TMEFF2: variants seen among roughly 807,000 people sequenced by gnomAD.
TMEFF2 encodes tomoregulin-2.
In TMEFF2, 28 loss-of-function variants were observed where a neutral mutation model predicts 53.8. The observed-to-expected ratio is 0.52, with a 90% CI of 0.39 to 0.71. The LOEUF (loss-of-function observed/expected upper bound fraction) is 0.71, where lower values mean the gene tolerates loss of function less well. Ranked by LOEUF, TMEFF2 falls within the 30% of genes least tolerant of loss-of-function variation. The pLI is 0.00. For synonymous variants in TMEFF2, 162 were observed against 166.3 expected (o/e 0.97, Z 0.20); for missense variants, 353 against 455.2 (o/e 0.78, Z 2.04).
intron 4 of TMEFF2, among the ~76,000 whole-genome samples, chr2:192,072,864 A>T (rs1393869521): frequency 2.0e-5 from 3 of 151,796 alleles, no homozygotes; most frequent in African/African-American, 7.3e-5. Context: ...TTTTTTCAGG[A>T]AAACCACCTC....
intron 7 of TMEFF2, among the ~76,000 whole-genome samples, chr2:191,977,530 A>G (rs1195994497): frequency 6.6e-6 from 1 of 152,200 alleles, no homozygotes; most frequent in Non-Finnish European, 1.5e-5. Flanking sequence ...GTAAAGATAC[A>G]CTTCATTTTG....
intron 4 of TMEFF2, among the ~76,000 whole-genome samples, chr2:192,156,444 T>G (rs79920102): frequency 0.056 from 8,482 of 151,972 alleles, 704 homozygotes; most frequent in African/African-American, 0.19. Flanking sequence ...GCATTTCCAG[T>G]ATTCAAACCC....
chr2:192,189,026 A>C (rs1232434990), intron 2 of TMEFF2, among the ~76,000 whole-genome samples: 1 of 152,102 alleles, frequency 6.6e-6, no homozygotes, highest in African/African-American at 2.4e-5. Context: ...ACCTAAAATA[A>C]AAGTTTAAAA....
chr2:192,105,268 A>AT (rs1689120005), intron 4 of TMEFF2, among the ~76,000 whole-genome samples: 1 of 151,884 alleles, frequency 6.6e-6, no homozygotes, highest in Non-Finnish European at 1.5e-5. Flanking sequence ...AATTAATATT[A>AT]TTTTTCACAT....
At position 191,997,302 on chromosome 2, in the gene TMEFF2, T is replaced by C. The variant is rs576945882; in HGVS notation, c.745+960A>G. Among the ~76,000 whole-genome samples the C allele has an allele frequency of 2.6e-3, 401 of 152,040 alleles. 4 individuals carry two copies. Among genetic ancestry groups the C allele is most frequent in the African/African-American group, 9.2e-3 (384 of 41,564 alleles). ...TTAAAATATAAATGTTTAAAATATC[T>C]TTTTTATTTCCAAATTCTAAGAGAT... On this transcript the variant is annotated intron_variant, in intron 7 of 9. Coordinates refer to ENST00000272771, the MANE Select transcript of TMEFF2 (RefSeq NM_016192.4).
intron 4 of TMEFF2, among the ~76,000 whole-genome samples, chr2:192,170,537 C>G (rs555279407): frequency 1.3e-5 from 2 of 151,940 alleles, no homozygotes; most frequent in East Asian, 1.9e-4. Flanking sequence ...GAATAGCAAT[C>G]CAGTCAGACA....
At chr2:192,084,359 A>G (rs1166382333) in intron 4 of TMEFF2, among the ~76,000 whole-genome samples, 2 of 152,108 alleles carry the variant, frequency 1.3e-5, no homozygotes, top group African/African-American at 4.8e-5. Flanking sequence ...AGAGGAAATG[A>G]TATTTTCCAA....
At chr2:192,096,182 A>G (rs2105939182) in intron 4 of TMEFF2, among the ~76,000 whole-genome samples, 2 of 152,304 alleles carry the variant, frequency 1.3e-5, no homozygotes, top group South Asian at 4.1e-4. Flanking sequence ...TTGGTCCCCC[A>G]TTAATGTTAC....
chr2:192,147,921 T>A (rs547630896), intron 4 of TMEFF2, among the ~76,000 whole-genome samples: 125 of 152,200 alleles, frequency 8.2e-4, no homozygotes, highest in African/African-American at 2.8e-3. Context: ...ATATTTTTAA[T>A]ATAATAAACT....
rs370059996 is a variant in TMEFF2 at position 192,132,051 on chromosome 2, G to A, written c.439+47617C>T. ...TGTCCCCTCAGTCCCAACCCCAAGC[G>A]TCACTGAGTCTTTCTAATCTTCCTT... On this transcript the variant is annotated intron_variant, in intron 4 of 9. Transcript: ENST00000272771. Among the ~76,000 whole-genome samples, 9 of 151,834 alleles carry A rather than the reference G, an allele frequency of 5.9e-5. No individual in the cohort carries two copies. The South Asian group carries it at 1.0e-3, about 18-fold the overall frequency.
intron 8 of TMEFF2, among the ~76,000 whole-genome samples, chr2:191,954,748 A>G (rs1692011793): frequency 6.6e-6 from 1 of 152,222 alleles, no homozygotes; most frequent in South Asian, 2.1e-4. Flanking sequence ...CTGCAAAACA[A>G]GACGAGGTAT....
chr2:192,038,638 T>A (rs982711164), intron 5 of TMEFF2, among the ~76,000 whole-genome samples: 6 of 151,984 alleles, frequency 3.9e-5, no homozygotes, highest in Admixed American at 3.9e-4. Flanking sequence ...ACTACAGATG[T>A]CCACCACCAT....
At chr2:192,139,778 C>T (rs374932235) in intron 4 of TMEFF2, among the ~76,000 whole-genome samples, 3 of 152,130 alleles carry the variant, frequency 2.0e-5, no homozygotes, top group East Asian at 3.9e-4. Context: ...TTTAAAAATG[C>T]TCATGCTGCT....
At chr2:192,133,391 A>G (rs998232426) in intron 4 of TMEFF2, among the ~76,000 whole-genome samples, 7 of 151,560 alleles carry the variant, frequency 4.6e-5, no homozygotes, top group East Asian at 3.9e-4. Context: ...CCCTTACCCC[A>G]CTCAATGCCA....
chr2:192,115,931 T>C (rs1689393528), intron 4 of TMEFF2, among the ~76,000 whole-genome samples: 1 of 151,896 alleles, frequency 6.6e-6, no homozygotes, highest in African/African-American at 2.4e-5. Flanking sequence ...GTATGGTGGT[T>C]CCTAAAAAAA....
chr2:191,961,450 G>C (rs1692271190), intron 7 of TMEFF2, among the ~76,000 whole-genome samples: 1 of 152,022 alleles, frequency 6.6e-6, no homozygotes, highest in Non-Finnish European at 1.5e-5. Flanking sequence ...GACAGTAGAG[G>C]GAAACTCCAG....
chr2:192,123,407 C>G (rs1010278757), intron 4 of TMEFF2, among the ~76,000 whole-genome samples: 6 of 151,944 alleles, frequency 3.9e-5, no homozygotes, highest in Admixed American at 3.9e-4. Context: ...CTGAGTGAAC[C>G]ATGGGAAGTC....
At chr2:192,114,867 T>G (rs1054877783) in intron 4 of TMEFF2, among the ~76,000 whole-genome samples, 1 of 151,990 alleles carries the variant, frequency 6.6e-6, no homozygotes, top group South Asian at 2.1e-4. Flanking sequence ...GAGGCTCTCA[T>G]GTAAAGCATG....
chr2:192,113,604 G>A (rs1184669697), intron 4 of TMEFF2, among the ~76,000 whole-genome samples: 1 of 152,030 alleles, frequency 6.6e-6, no homozygotes, highest in Non-Finnish European at 1.5e-5. Context: ...AGCTGTTTAG[G>A]TTGTTTTAAA....
Sources: allele counts gnomAD v4.1 joint callset (sites outside exome capture counted in the v4.1 genomes callset), GRCh38; gene constraint gnomAD v4.1.1; transcripts MANE v1.5; gene names NCBI Gene and HGNC (gene_info 2026-07-23, HGNC 2026-07-21).